Variants in FSD1L observed in about 807,000 individuals in gnomAD.
FSD1L encodes fibronectin type III and SPRY domain containing 1 like.
In FSD1L, 45 loss-of-function variants were observed where a neutral mutation model predicts 71.6. The observed-to-expected ratio is 0.63, with a 90% CI of 0.49 to 0.81. The LOEUF (loss-of-function observed/expected upper bound fraction) is 0.81, where lower values mean the gene tolerates loss of function less well. FSD1L is among the 30% of genes least tolerant of loss of function. The pLI is 0.00. For missense variants in FSD1L, 561 were observed against 618.1 expected (o/e 0.91, Z 0.98); for synonymous variants, 197 against 207.2 (o/e 0.95, Z 0.42).
intron 7 of FSD1L, among the ~76,000 whole-genome samples, chr9:105,497,229 G>T (rs1277739446): frequency 6.7e-6 from 1 of 150,306 alleles, no homozygotes; most frequent in Non-Finnish European, 1.5e-5. Flanking sequence ...GTTGGTCAAG[G>T]GTATAATTCT....
chr9:105,523,069 C>T (rs1269315013), intron 10 of FSD1L: 2 of 1,614,064 alleles, frequency 1.2e-6, no homozygotes, highest in African/African-American at 1.3e-5. Flanking sequence ...ACGTCCTCTG[C>T]TGATGTGGAT....
chr9:105,477,793 T>C (rs947019380), intron 5 of FSD1L, among the ~76,000 whole-genome samples: 43 of 152,184 alleles, frequency 2.8e-4, no homozygotes, highest in African/African-American at 1.0e-3. Context: ...AAGATACAGA[T>C]TCCACAGAAT....
chr9:105,546,374 T>G lies in FSD1L; in HGVS notation c.1484T>G (p.Leu495Arg). 2 of 1,547,664 alleles carry G rather than the reference T, an allele frequency of 1.3e-6. No individual in the cohort carries two copies. The highest frequency in any genetic ancestry group is 1.7e-6 in the Non-Finnish European group (2 of 1,145,500). ...TTTTCTTAGGTATGGTGTGGTGGAC[T>G]TTCTTTGAGTACTGGGATGCAGGTT... ...LPGFMVWCGG[L>R]SLSTGMQVPS... The change falls in exon 14 of 14, where the codon CTT (leucine) becomes CGT (arginine). Residue 495 changes from leucine (L) to arginine (R), a missense_variant. Coordinates refer to ENST00000481272, the MANE Select transcript of FSD1L (RefSeq NM_001145313.3).
At chr9:105,526,757 G>T (rs1312975301) in intron 10 of FSD1L, among the ~76,000 whole-genome samples, 2 of 151,824 alleles carry the variant, frequency 1.3e-5, no homozygotes, top group Non-Finnish European at 2.9e-5. Flanking sequence ...CATATTTTGA[G>T]GGCAGGGGGA....
chr9:105,466,825 A>G (rs1336655925), intron 3 of FSD1L, among the ~76,000 whole-genome samples: 2 of 152,192 alleles, frequency 1.3e-5, no homozygotes, highest in African/African-American at 2.4e-5. Context: ...GAATCATCAC[A>G]TTTGGTATCT....
intron 10 of FSD1L, among the ~76,000 whole-genome samples, chr9:105,519,782 C>T (rs996367508): frequency 6.6e-6 from 1 of 152,174 alleles, no homozygotes; most frequent in African/African-American, 2.4e-5. Flanking sequence ...GCTCCACCTT[C>T]GTGGCTCTGG....
chr9:105,521,589 C>T (rs909807986), intron 10 of FSD1L: 60 of 1,613,320 alleles, frequency 3.7e-5, no homozygotes, highest in Non-Finnish European at 4.5e-5. Flanking sequence ...AGAGGAAAAA[C>T]CTTTGTTCAT....
Position 105,509,787 on chromosome 9 carries a change from T to A in FSD1L, c.895+1072T>A, listed in dbSNP as rs554793834. ...TTTCTATTTGAGAACTATAGGTAAC[T>A]TAGCCAAGGAATGCAGTTAACTCTG... On this transcript the variant is annotated intron_variant, in intron 9 of 13. Coordinates refer to ENST00000481272, the MANE Select transcript of FSD1L (RefSeq NM_001145313.3). 1.4e-4 allele frequency among the ~76,000 whole-genome samples: 22 copies of A among 152,360 alleles called. No homozygotes were observed. In the South Asian group the frequency reaches 4.3e-3, roughly 30 times the overall value.
chr9:105,461,648 C>G, intron 2 of FSD1L, 33 bp downstream of exon 2: 1 of 1,277,106 alleles, frequency 7.8e-7, no homozygotes, highest in Non-Finnish European at 1.1e-6. Flanking sequence ...GAGGTTTTAA[C>G]TTGAAGATCT....
intron 13 of FSD1L, among the ~76,000 whole-genome samples, chr9:105,545,961 G>T (rs549674616): frequency 2.6e-5 from 4 of 152,070 alleles, no homozygotes; most frequent in African/African-American, 9.6e-5. Flanking sequence ...ATAGTCTCAG[G>T]CCATATCTCA....
intron 1 of FSD1L, among the ~76,000 whole-genome samples, chr9:105,453,473 C>T (rs1830176182): frequency 6.6e-6 from 1 of 151,898 alleles, no homozygotes; most frequent in Admixed American, 6.6e-5. Flanking sequence ...TGCGCCTGGC[C>T]TAAAATTACT....
At chr9:105,488,578 T>C (rs1832707161) in intron 7 of FSD1L, among the ~76,000 whole-genome samples, 1 of 152,318 alleles carries the variant, frequency 6.6e-6, no homozygotes, top group East Asian at 1.9e-4. Context: ...TTAAATTTTA[T>C]AGAAGACTAC....
At position 105,549,271 on chromosome 9, in the gene FSD1L, C is replaced by T. The variant is rs1257130761; in HGVS notation, c.*2788C>T. ...TCTCTTTTAGCAACTGAATTCCCAA[C>T]GAGTTTTATTAAGCTGGATATCGAA... On this transcript the variant is annotated 3_prime_UTR_variant, in exon 14 of 14. Transcript: ENST00000481272. The T allele has an allele frequency of 6.6e-6, 1 of 151,974 alleles. No individual in the cohort carries two copies. The highest frequency in any genetic ancestry group is 1.5e-5 in the Non-Finnish European group (1 of 67,924). 9.4% of individuals were successfully genotyped at this position (151,974 alleles called of 1,614,324 possible).
chr9:105,536,122 C>T (rs1165584958), intron 12 of FSD1L, among the ~76,000 whole-genome samples: 1 of 152,194 alleles, frequency 6.6e-6, no homozygotes, highest in East Asian at 1.9e-4. Context: ...AGGTAGTTGC[C>T]ACTTATGTGC....
In FSD1L at chr9:105,494,262, T is replaced by C. The variant is rs533527126; in HGVS notation, c.586+9760T>C. On this transcript the variant is annotated intron_variant, in intron 7 of 13. Transcript: ENST00000481272. ...TCATTTCATTCATTTCATCTTCCAT[T>C]GCTGATACCCTTTCTTCCAGTTGAT... 8.6e-3 allele frequency among the ~76,000 whole-genome samples: 1,311 copies of C among 152,078 alleles called. 16 individuals carry two copies. Among genetic ancestry groups the C allele is most frequent in the African/African-American group, 0.03 (1,246 of 41,374 alleles).
In FSD1L at chr9:105,549,592, C is replaced by A. The variant is rs968166443; in HGVS notation, c.*3109C>A. Reference sequence around the variant, plus strand: ...TGTATGGCTAGACTTTGCCTATTTACTCTGTTATGCAAACAGTAATTTTTC... The same window carrying A: ...TGTATGGCTAGACTTTGCCTATTTAATCTGTTATGCAAACAGTAATTTTTC... On this transcript the variant is annotated 3_prime_UTR_variant, in exon 14 of 14. Transcript: ENST00000481272. 6.6e-6 allele frequency: 1 copy of A among 151,952 alleles called. No homozygotes were observed. Among genetic ancestry groups the A allele is most frequent in the Non-Finnish European group, 1.5e-5 (1 of 67,914 alleles). The allele number at this position is 151,952 out of a possible 1,614,324, so 9.4% of individuals were successfully genotyped here.
chr9:105,456,427 T>A (rs954835657), intron 1 of FSD1L, among the ~76,000 whole-genome samples: 3 of 152,234 alleles, frequency 2.0e-5, no homozygotes, highest in African/African-American at 7.2e-5. Flanking sequence ...ACTTGGCACT[T>A]AAGAGTACCA....
intron 8 of FSD1L, among the ~76,000 whole-genome samples, chr9:105,507,967 C>T (rs1182789092): frequency 2.0e-5 from 3 of 149,308 alleles, no homozygotes; most frequent in South Asian, 2.1e-4. Context: ...TCTCGGCTCA[C>T]GGCAACCTCT....
At chr9:105,466,924 G>T (rs753486889) in intron 3 of FSD1L, among the ~76,000 whole-genome samples, 1 of 152,104 alleles carries the variant, frequency 6.6e-6, no homozygotes, top group African/African-American at 2.4e-5. Flanking sequence ...GAAAAAAAAA[G>T]TAGTGGGGGA....
Sources: gnomAD v4.1 joint callset for allele counts (sites outside exome capture counted in the v4.1 genomes callset) on GRCh38, gnomAD v4.1.1 for gene constraint, MANE v1.5 for transcripts, NCBI Gene and HGNC (gene_info 2026-07-23, HGNC 2026-07-21) for gene names.